The following DNAI4 variants were observed in gnomAD, a reference collection of about 807,000 sequenced individuals.
DNAI4 encodes dynein axonemal intermediate chain 4.
Under a neutral mutation model 105.8 loss-of-function variants are expected in DNAI4, and 85 were observed. The observed-to-expected ratio is 0.80, with a 90% CI of 0.67 to 0.96. The LOEUF (loss-of-function observed/expected upper bound fraction) is 0.96. DNAI4 is among the 40% of genes least tolerant of loss of function. DNAI4 has a pLI of 0.00. For missense variants in DNAI4, 1,014 were observed against 1,005.6 expected (o/e 1.01, Z -0.11); for synonymous variants, 352 against 331.5 (o/e 1.06, Z -0.67).
chr1:66,814,433 A>G (rs1645471666), intron 16 of DNAI4, among the ~76,000 whole-genome samples: 1 of 152,124 alleles, frequency 6.6e-6, no homozygotes, highest in Middle Eastern at 3.4e-3. Flanking sequence ...CAGTGGTGCA[A>G]TCTCGGCTCA....
chr1:66,883,850 A>G (rs1647134284), intron 4 of DNAI4, among the ~76,000 whole-genome samples: 1 of 152,194 alleles, frequency 6.6e-6, no homozygotes. Flanking sequence ...TAGTGAAAAT[A>G]TTTGAAATTT....
At chr1:66,856,858 A>AT (rs1291031803) in intron 7 of DNAI4, among the ~76,000 whole-genome samples, 1 of 152,086 alleles carries the variant, frequency 6.6e-6, no homozygotes, top group Non-Finnish European at 1.5e-5. Flanking sequence ...AAATTTTAAC[A>AT]TTGAACACAT....
At chr1:66,878,596 A>G (rs1164018102) in intron 4 of DNAI4, among the ~76,000 whole-genome samples, 1 of 152,208 alleles carries the variant, frequency 6.6e-6, no homozygotes, top group African/African-American at 2.4e-5. Context: ...ATATACAAAC[A>G]TATCTATACA....
chr1:66,910,222 T>C (rs913977557), intron 1 of DNAI4, among the ~76,000 whole-genome samples: 1 of 151,782 alleles, frequency 6.6e-6, no homozygotes, highest in East Asian at 1.9e-4. Context: ...CAAACAAATA[T>C]AGAACAATAA....
chr1:66,907,232 T>C (rs77438676), intron 1 of DNAI4, among the ~76,000 whole-genome samples: 9,612 of 152,266 alleles, frequency 0.063, 953 homozygotes, highest in African/African-American at 0.22. Context: ...CTTCTTAAAA[T>C]TGACTTCTCA....
At chr1:66,861,109 A>G (rs1208967196) in intron 7 of DNAI4, among the ~76,000 whole-genome samples, 1 of 152,172 alleles carries the variant, frequency 6.6e-6, no homozygotes, top group Non-Finnish European at 1.5e-5. Context: ...TTTGGGATCT[A>G]TAGTCTCCTA....
intron 6 of DNAI4, among the ~76,000 whole-genome samples, chr1:66,862,601 T>C (rs1240855847): frequency 6.6e-6 from 1 of 152,192 alleles, no homozygotes; most frequent in Non-Finnish European, 1.5e-5. Flanking sequence ...TACTGTTTAT[T>C]TTTAAAAACA....
chr1:66,895,550 C>T (rs1276931865), intron 2 of DNAI4, among the ~76,000 whole-genome samples: 4 of 152,082 alleles, frequency 2.6e-5, no homozygotes, highest in Non-Finnish European at 4.4e-5. Context: ...AAATATTCAA[C>T]GTTTTCTTTC....
At chr1:66,920,412 G>C (rs564251985) in intron 1 of DNAI4, among the ~76,000 whole-genome samples, 20 of 152,244 alleles carry the variant, frequency 1.3e-4, no homozygotes, top group African/African-American at 4.8e-4. Context: ...ACGAGTGTGG[G>C]TGCAAAAGGC....
At chr1:66,917,585 T>C (rs1404052705) in intron 1 of DNAI4, among the ~76,000 whole-genome samples, 1 of 152,246 alleles carries the variant, frequency 6.6e-6, no homozygotes, top group African/African-American at 2.4e-5. Context: ...AACTCTTGCT[T>C]TAAATGTTGC....
chr1:66,909,043 A>G (rs1649462971), intron 1 of DNAI4, among the ~76,000 whole-genome samples: 1 of 152,084 alleles, frequency 6.6e-6, no homozygotes, highest in Non-Finnish European at 1.5e-5. Context: ...TGCATACCAG[A>G]TTCCATTTTT....
In DNAI4 at chr1:66,813,053, T is replaced by C. The variant is rs1359181227; in HGVS notation, c.*1077A>G. 1 of 152,380 alleles carries C rather than the reference T, an allele frequency of 6.6e-6. No homozygotes were observed. Among genetic ancestry groups the C allele is most frequent in the Non-Finnish European group, 1.5e-5 (1 of 68,050 alleles). The allele number at this position is 152,380 out of a possible 1,614,324, so 9.4% of individuals were successfully genotyped here. On this transcript the variant is annotated 3_prime_UTR_variant, in exon 17 of 17. Transcript: ENST00000371026. ...ATCCATGTAAAATTTGCCTTGCTTT[T>C]GTTTAAGGGATTGGTCCAAACAAAT...
intron 13 of DNAI4, among the ~76,000 whole-genome samples, chr1:66,831,255 T>C (rs1040009016): frequency 4.1e-4 from 63 of 152,134 alleles, no homozygotes; most frequent in African/African-American, 1.5e-3. Flanking sequence ...AATGAAGAAA[T>C]CATACTAATT....
At chr1:66,871,866 G>T (rs926512611) in intron 5 of DNAI4, among the ~76,000 whole-genome samples, 1 of 152,174 alleles carries the variant, frequency 6.6e-6, no homozygotes, top group Non-Finnish European at 1.5e-5. Context: ...GTATGTAAAT[G>T]TGTCTGTTTT....
In DNAI4 at chr1:66,882,035, T is replaced by G. The variant is rs142459668; in HGVS notation, c.644-7098A>C. On this transcript the variant is annotated intron_variant, in intron 4 of 16. Coordinates refer to ENST00000371026, the MANE Select transcript of DNAI4 (RefSeq NM_024763.5). ...GCTGCCATCCATGTGAGATATGACTTGCTCATCCTTGCCTTCCACCATGAT... is the reference window on the plus strand; with the variant it reads ...GCTGCCATCCATGTGAGATATGACTGGCTCATCCTTGCCTTCCACCATGAT... Among the ~76,000 whole-genome samples, 75 of 152,316 alleles carry G rather than the reference T, an allele frequency of 4.9e-4. No homozygotes were observed. In the East Asian group the frequency reaches 0.014, roughly 29 times the overall value.
chr1:66,835,563 C>A (rs1645966732), intron 11 of DNAI4, 63 bp downstream of exon 11: 2 of 1,516,470 alleles, frequency 1.3e-6, no homozygotes, highest in Non-Finnish European at 1.8e-6. Context: ...AACTAAATAA[C>A]ATTAGAGTAA....
intron 1 of DNAI4, among the ~76,000 whole-genome samples, chr1:66,905,918 C>CTTTTTTTT (rs34206774): frequency 6.2e-5 from 6 of 96,408 alleles, no homozygotes; most frequent in Non-Finnish European, 9.7e-5. Flanking sequence ...TTATATACTA[C>CTTTTTTTT]TTTTTTTTTT....
chr1:66,845,190 C>CAAAAAAAAAAAAAAAAAAAAAGAAAAAA (rs59265844), intron 8 of DNAI4, among the ~76,000 whole-genome samples: 2 of 106,316 alleles, frequency 1.9e-5, no homozygotes, highest in African/African-American at 4.0e-5. Context: ...AACTCCATCT[C>CAAAAAAAAAAAAAAAAAAAAAGAAAAAA]AAAAAAAAAA....
chr1:66,897,112 T>C (rs1001667664), intron 2 of DNAI4, among the ~76,000 whole-genome samples: 4 of 152,196 alleles, frequency 2.6e-5, no homozygotes, highest in African/African-American at 9.6e-5. Context: ...GAATTTGGAA[T>C]AGTAAAGACT....
Sources: allele counts gnomAD v4.1 joint callset (sites outside exome capture counted in the v4.1 genomes callset), GRCh38; gene constraint gnomAD v4.1.1; transcripts MANE v1.5; gene names NCBI Gene and HGNC (gene_info 2026-07-23, HGNC 2026-07-21).